Variants in TFEB observed in about 807,000 individuals in gnomAD.
TFEB encodes the protein transcription factor EB.
TFEB carries 12 observed loss-of-function variants against 48.0 expected under a neutral mutation model. The ratio of observed to expected loss-of-function variants is 0.25; its 90% confidence interval spans 0.16 to 0.40. The LOEUF (loss-of-function observed/expected upper bound fraction) is 0.40. Ranked by LOEUF, TFEB falls within the 10% of genes least tolerant of loss-of-function variation. TFEB has a pLI of 1.00. For missense variants in TFEB, 509 were observed against 640.3 expected, an observed-to-expected ratio of 0.79 and a Z score of 2.21; for synonymous variants, 244 against 261.4, an observed-to-expected ratio of 0.93 and a Z score of 0.64.
intron 1 of TFEB, among the ~76,000 whole-genome samples, chr6:41,706,602 C>A (rs1770236413): frequency 6.6e-6 from 1 of 151,596 alleles, no homozygotes; most frequent in Admixed American, 6.6e-5. Flanking sequence ...CTGCCCTAGA[C>A]CCAGAATTCA....
intron 1 of TFEB, among the ~76,000 whole-genome samples, chr6:41,722,208 G>T (rs2127266146): frequency 6.6e-6 from 1 of 152,322 alleles, no homozygotes; most frequent in East Asian, 1.9e-4. Flanking sequence ...TCAAACTCCT[G>T]ACCTCAGGGG....
At chr6:41,695,089 C>T (rs946009596) in intron 1 of TFEB, among the ~76,000 whole-genome samples, 4 of 152,242 alleles carry the variant, frequency 2.6e-5, no homozygotes, top group Admixed American at 1.3e-4. Flanking sequence ...AGGCTCACTG[C>T]CCCTACTGGC....
chr6:41,689,442 C>G (rs1045625076), intron 4 of TFEB, among the ~76,000 whole-genome samples: 1 of 152,218 alleles, frequency 6.6e-6, no homozygotes, highest in Non-Finnish European at 1.5e-5. Context: ...TCCCTCTGCC[C>G]CTTCGCCAAC....
At chr6:41,714,098 T>C (rs9471633) in intron 1 of TFEB, among the ~76,000 whole-genome samples, 14 of 150,410 alleles carry the variant, frequency 9.3e-5, no homozygotes, top group Non-Finnish European at 1.0e-4. Flanking sequence ...TGTGTGTGCG[T>C]GTGTGTGTGC....
chr6:41,685,105 G>A (rs1465142527), intron 8 of TFEB, 27 bp from the exon 9 acceptor site: 1 of 1,423,522 alleles, frequency 7.0e-7, no homozygotes, highest in Non-Finnish European at 9.2e-7. Flanking sequence ...AGAAGGCTGG[G>A]GAACACACCT....
At position 41,684,885 on chromosome 6, in the gene TFEB, G is replaced by C. The variant is rs200813055; in HGVS notation, c.1145C>G (p.Pro382Arg). The C allele has an allele frequency of 2.4e-5, 37 of 1,571,328 alleles. No individual in the cohort carries two copies. The Admixed American group carries it at 4.7e-4, about 20-fold the overall frequency. Residue 382 changes from proline (P) to arginine (R), a missense_variant, in exon 9 of 9, where the codon CCC becomes CGC. Pro to Arg is a moderately radical substitution (Grantham distance 103). This residue lies in a region of TFEB where 168 missense variants were observed against 161.0 expected (regional missense o/e 1.04). Transcript: ENST00000373033. Reference protein sequence around the residue: ...LPALPPQAPLPLPTQPPSPFH... With the variant: ...LPALPPQAPLRLPTQPPSPFH... Reference sequence around the variant, plus strand: ...TGGGGATGGTGGCTGGGTGGGCAGGGGCAGCGGGGCTTGCGGGGGCAGAGC... The same window carrying C: ...TGGGGATGGTGGCTGGGTGGGCAGGCGCAGCGGGGCTTGCGGGGGCAGAGC...
intron 1 of TFEB, among the ~76,000 whole-genome samples, chr6:41,704,563 C>T (rs1207986548): frequency 2.0e-5 from 3 of 152,348 alleles, no homozygotes; most frequent in Admixed American, 6.5e-5. Flanking sequence ...AGGCATTGCA[C>T]GCCCTGTTTG....
chr6:41,691,325 C>G lies in TFEB; in HGVS notation c.-22-90G>C. The G allele has an allele frequency of 7.6e-7, 1 of 1,309,440 alleles. No individual in the cohort carries two copies. Among genetic ancestry groups the G allele is most frequent in the Non-Finnish European group, 1.1e-6 (1 of 927,264 alleles). 81.1% of individuals were successfully genotyped at this position (1,309,440 alleles called of 1,614,324 possible). Reference sequence around the variant, plus strand: ...AGGGGGAGGCCAGAATGACTGGGACCGCATCCATTTTAGAGGAGAAGACAC... The same window carrying G: ...AGGGGGAGGCCAGAATGACTGGGACGGCATCCATTTTAGAGGAGAAGACAC... On this transcript the variant is annotated intron_variant, in intron 1 of 8. Transcript: ENST00000373033. The surrounding 1 kb of genome is among the most constrained non-coding windows in gnomAD (Gnocchi z 5.2).
At chr6:41,699,174 T>A (rs1380250972) in intron 1 of TFEB, among the ~76,000 whole-genome samples, 4 of 152,242 alleles carry the variant, frequency 2.6e-5, no homozygotes, top group Non-Finnish European at 5.9e-5. Context: ...GGGCCACGTC[T>A]ACCTCATAGC....
chr6:41,687,448 C>A (rs1311478159), intron 6 of TFEB, among the ~76,000 whole-genome samples: 1 of 152,232 alleles, frequency 6.6e-6, no homozygotes, highest in African/African-American at 2.4e-5. Context: ...TTCCCTGCTA[C>A]ACAGAACTCT....
chr6:41,690,288 G>A (rs544516829), intron 3 of TFEB, among the ~76,000 whole-genome samples: 6 of 151,970 alleles, frequency 3.9e-5, no homozygotes, highest in African/African-American at 1.2e-4. Context: ...GCACCACCAC[G>A]CCCAGCTAAT....
intron 1 of TFEB, among the ~76,000 whole-genome samples, chr6:41,695,405 G>A (rs894225275): frequency 5.3e-5 from 8 of 152,212 alleles, no homozygotes; most frequent in East Asian, 3.8e-4. Flanking sequence ...TAAATGCTTC[G>A]TGAATGATTG....
intron 7 of TFEB, 59 bp from the exon 8 acceptor site, chr6:41,686,296 G>A (rs1206283472): frequency 6.3e-7 from 1 of 1,598,734 alleles, no homozygotes; most frequent in Admixed American, 1.7e-5. Context: ...CCAAATCCTT[G>A]CTACTGCTCT....
rs1770952114 is a variant in TFEB, at chr6:41,720,962, C to T, written c.-23+14388G>A. On this transcript the variant is annotated intron_variant, in intron 1 of 8. Transcript: ENST00000373033. The surrounding 1 kb of genome is among the most constrained non-coding windows in gnomAD (Gnocchi z 4.1). ...TGGGCAGCTCCTGCCAGGCCTGACC[C>T]TGCAGCCTTCCACTGACGGCAGCCT... Among the ~76,000 whole-genome samples the T allele has an allele frequency of 3.3e-5, 5 of 152,228 alleles. No individual in the cohort carries two copies. Among genetic ancestry groups the T allele is most frequent in the Admixed American group, 2.6e-4 (4 of 15,276 alleles).
At chr6:41,686,504 CTTTCTTT>C in intron 7 of TFEB, 2 of 267,244 alleles carry the variant, frequency 7.5e-6, no homozygotes, top group Admixed American at 5.6e-5. Context: ...CCCAGCCTAC[CTTTCTTT>C]TTTTTTTTTT....
chr6:41,686,683 G>T (rs2003711), intron 7 of TFEB: 178,835 of 241,932 alleles, frequency 0.74, 66,764 homozygotes, highest in African/African-American at 0.84. Flanking sequence ...GCCCAGCTAA[G>T]TTTTGTATTT....
At position 41,691,036 on chromosome 6, in the gene TFEB, G is replaced by A; in HGVS notation, c.178C>T (p.Gln60Ter). 6.4e-7 allele frequency: 1 copy of A among 1,574,264 alleles called. No individual in the cohort carries two copies. The highest frequency in any genetic ancestry group is 8.6e-7 in the Non-Finnish European group (1 of 1,158,418). ...TPAINTPVHF[Q>*]SPPPVPGEVL... ...TCCCCAGGCACAGGTGGTGGCGACT[G>A]GAAGTGGACGGGGGTATTGATGGCC... is the stretch of plus-strand genomic sequence containing the variant. Residue 60 changes from glutamine to a stop codon, truncating the protein, a stop_gained, in exon 2 of 9, where the codon CAG becomes TAG. Coordinates refer to ENST00000373033, the MANE Select transcript of TFEB (RefSeq NM_001271944.2). LOFTEE classifies it high-confidence loss of function. This position sits in a 1 kb window ranked among gnomAD's most constrained non-coding sequence, Gnocchi z 5.2.
intron 1 of TFEB, among the ~76,000 whole-genome samples, chr6:41,695,849 G>C (rs1336192948): frequency 6.6e-6 from 1 of 152,194 alleles, no homozygotes; most frequent in Non-Finnish European, 1.5e-5. Flanking sequence ...GGGGTTTATG[G>C]GGGGGCCCAA....
At chr6:41,733,908 A>G (rs1771556991) in intron 1 of TFEB, 1 of 984,798 alleles carries the variant, frequency 1.0e-6, no homozygotes. Flanking sequence ...CAGCTGCCCA[A>G]CAGTGCCAGG....
Sources: gnomAD v4.1 joint callset for allele counts (sites outside exome capture counted in the v4.1 genomes callset) on GRCh38, gnomAD v4.1.1 for gene constraint, gnomAD v4.1.1 regional missense constraint, Gnocchi (gnomAD v3.1) non-coding constraint, MANE v1.5 for transcripts, NCBI Gene and HGNC (gene_info 2026-07-23, HGNC 2026-07-21) for gene names.